The following SYNE3 variants were observed in gnomAD, a reference collection of about 807,000 sequenced individuals.
SYNE3 encodes nesprin-3.
Under a neutral mutation model 111.2 loss-of-function variants are expected in SYNE3, and 100 were observed. The observed-to-expected ratio is 0.90, with a 90% CI of 0.77 to 1.06. SYNE3 has a LOEUF of 1.06. Ranked by LOEUF, SYNE3 falls within the 50% of genes least tolerant of loss-of-function variation. The probability of loss-of-function intolerance (pLI) is 0.00; values close to 1 mark genes in which losing one functional copy is unlikely to be tolerated. For synonymous variants in SYNE3, 547 were observed against 533.9 expected (o/e 1.02, Z -0.34); for missense variants, 1,160 against 1,240.3 (o/e 0.94, Z 0.97).
intron 1 of SYNE3, among the ~76,000 whole-genome samples, chr14:95,505,641 G>GTT (rs149253871): frequency 6.0e-5 from 9 of 149,504 alleles, no homozygotes; most frequent in East Asian, 2.0e-4. Flanking sequence ...TTTAAAAGAA[G>GTT]TTTTTTTTTT....
intron 17 of SYNE3, among the ~76,000 whole-genome samples, chr14:95,424,195 G>A (rs1228547784): frequency 6.6e-6 from 1 of 152,034 alleles, no homozygotes; most frequent in Admixed American, 6.5e-5. Context: ...CCTATGAGAC[G>A]GTGCAGAAAG....
intron 17 of SYNE3, among the ~76,000 whole-genome samples, chr14:95,422,936 C>T (rs911102056): frequency 1.3e-5 from 2 of 152,224 alleles, no homozygotes; most frequent in Non-Finnish European, 1.5e-5. Flanking sequence ...CCTGGTTTCC[C>T]GGACTGGGCC....
rs1886963028 is a variant in SYNE3, at chr14:95,449,961, A to C, written c.1419T>G (p.Pro473=). ...TCTGGGGCAGGAAGGTGTGAAGGGA[A>C]GGCAGGTCCGGCAGGCTGGCAGTGA... The part of the protein sequence containing the change: ...LEVTASLPDL[P]SLHTFLPQIE... Residue 473 remains proline (P), a synonymous_variant, in exon 8 of 18, where the codon CCT becomes CCG. Coordinates refer to ENST00000682763, the MANE Select transcript of SYNE3 (RefSeq NM_152592.6). The C allele has an allele frequency of 6.4e-7, 1 of 1,554,882 alleles. No homozygotes were observed. Among genetic ancestry groups the C allele is most frequent in the African/African-American group, 1.4e-5 (1 of 73,312 alleles).
In SYNE3 at chr14:95,500,875, G is replaced by A. The variant is rs1181311265; in HGVS notation, c.-15+15721C>T. On this transcript the variant is annotated intron_variant, in intron 1 of 17. Transcript: ENST00000682763. The surrounding 1 kb of genome is among the most constrained non-coding windows in gnomAD (Gnocchi z 4.7). ...TTCTTTGTACTCCCAGTGGGGGATC[G>A]GGGGCGGTGAAGCGGGAGGGACACA... Among the ~76,000 whole-genome samples the A allele has an allele frequency of 2.6e-5, 4 of 152,200 alleles. No homozygotes were observed. Among genetic ancestry groups the A allele is most frequent in the Non-Finnish European group, 5.9e-5 (4 of 68,042 alleles).
At chr14:95,421,659 T>C (rs982608340) in intron 17 of SYNE3, among the ~76,000 whole-genome samples, 4 of 152,198 alleles carry the variant, frequency 2.6e-5, no homozygotes, top group African/African-American at 4.8e-5. Context: ...CTCTGGCTGA[T>C]GGGTGTGGGG....
rs2139316570 is a variant in SYNE3 at position 95,410,319 on chromosome 14, A to G, written c.*7507T>C. ...AACTCTGGTTTTCTCCTCCAATTGT[A>G]GCAGAGACAGCGAAGTGCCACTCCA... On this transcript the variant is annotated 3_prime_UTR_variant, in exon 18 of 18. Coordinates refer to ENST00000682763, the MANE Select transcript of SYNE3 (RefSeq NM_152592.6). 6.6e-6 allele frequency: 1 copy of G among 152,384 alleles called. No homozygotes were observed. Among genetic ancestry groups the G allele is most frequent in the Non-Finnish European group, 1.5e-5 (1 of 68,066 alleles). 9.4% of individuals were successfully genotyped at this position (152,384 alleles called of 1,614,324 possible). A position where few individuals can be genotyped will look rare whatever the true frequency, so the allele number is the denominator to read the frequency against.
At chr14:95,474,111 G>C (rs1211546854) in intron 2 of SYNE3, among the ~76,000 whole-genome samples, 1 of 150,854 alleles carries the variant, frequency 6.6e-6, no homozygotes, top group African/African-American at 2.4e-5. Context: ...TGGAACTAAG[G>C]CTGGTATGAG....
intron 1 of SYNE3, among the ~76,000 whole-genome samples, chr14:95,478,275 A>G (rs1889010905): frequency 6.6e-6 from 1 of 152,222 alleles, no homozygotes; most frequent in Non-Finnish European, 1.5e-5. Flanking sequence ...GTAGCATCCA[A>G]TAAGCAGACA....
intron 7 of SYNE3, chr14:95,451,104 T>C (rs1178934593): frequency 6.6e-6 from 1 of 152,092 alleles, no homozygotes; most frequent in African/African-American, 2.4e-5. Context: ...TAAGGGTCTA[T>C]CAAAAATGGG....
At chr14:95,434,525 C>A (rs966955433) in intron 15 of SYNE3, among the ~76,000 whole-genome samples, 7 of 152,136 alleles carry the variant, frequency 4.6e-5, no homozygotes, top group South Asian at 2.1e-4. Flanking sequence ...GACTTGCAGC[C>A]CAGTTCAAAG....
intron 17 of SYNE3, among the ~76,000 whole-genome samples, chr14:95,428,676 G>A (rs1885570606): frequency 6.6e-6 from 1 of 152,226 alleles, no homozygotes; most frequent in Admixed American, 6.5e-5. Context: ...TGCAAGGAAT[G>A]CAATATAGTT....
intron 14 of SYNE3, chr14:95,438,361 T>C (rs1886215696): frequency 6.6e-6 from 1 of 152,304 alleles, no homozygotes; most frequent in Non-Finnish European, 1.5e-5. Context: ...GTTCTGAGAT[T>C]GTAGGTGTAG....
chr14:95,457,151 C>G (rs747508363), intron 5 of SYNE3, 26 bp downstream of exon 5: 7 of 1,608,076 alleles, frequency 4.4e-6, no homozygotes, highest in Non-Finnish European at 5.1e-6. Flanking sequence ...TAGGGTCCCT[C>G]TGGTTGAGAC....
At chr14:95,508,296 G>C (rs576678047) in intron 1 of SYNE3, among the ~76,000 whole-genome samples, 1 of 152,332 alleles carries the variant, frequency 6.6e-6, no homozygotes, top group Admixed American at 6.5e-5. Context: ...GCACTGAACA[G>C]GTATGAGCTG....
chr14:95,429,937 T>G, intron 17 of SYNE3: 1 of 956,438 alleles, frequency 1.0e-6, no homozygotes. Context: ...TCACTGCTCT[T>G]CTGTTCACTG....
Position 95,455,798 on chromosome 14 carries a change from C to T in SYNE3, c.790-74G>A, listed in dbSNP as rs967064046. 1.0e-5 allele frequency: 15 copies of T among 1,445,530 alleles called. No individual in the cohort carries two copies. The African/African-American group carries it at 1.8e-4, about 18-fold the overall frequency. 89.5% of individuals were successfully genotyped at this position (1,445,530 alleles called of 1,614,324 possible). ...CAGTTGCTGCATTTTCCAGAGCAGA[C>T]CTGGGACTGCCCTGCAAAACACTGA... On this transcript the variant is annotated intron_variant, in intron 5 of 17. Transcript: ENST00000682763.
chr14:95,449,961 AG>A lies in SYNE3; in HGVS notation c.1418del (p.Pro473LeufsTer14). The part of the protein sequence containing the change: ...LEVTASLPDL[P>X]SLHTFLPQIE... ...TCTGGGGCAGGAAGGTGTGAAGGGAAGGCAGGTCCGGCAGGCTGGCAGTGAC... is the reference window on the plus strand; with the variant it reads ...TCTGGGGCAGGAAGGTGTGAAGGGAAGCAGGTCCGGCAGGCTGGCAGTGAC... On this transcript the variant is annotated frameshift_variant, in exon 8 of 18. Coordinates refer to ENST00000682763, the MANE Select transcript of SYNE3 (RefSeq NM_152592.6). LOFTEE classifies it high-confidence loss of function. 1 of 1,555,000 alleles carries A rather than the reference AG, an allele frequency of 6.4e-7. No homozygotes were observed. The highest frequency in any genetic ancestry group is 8.7e-7 in the Non-Finnish European group (1 of 1,148,962).
chr14:95,458,585 A>T (rs987112127), intron 4 of SYNE3, among the ~76,000 whole-genome samples: 2 of 152,176 alleles, frequency 1.3e-5, no homozygotes, highest in South Asian at 2.1e-4. Flanking sequence ...TCTCACTCTG[A>T]GGCCATGCCC....
intron 17 of SYNE3, among the ~76,000 whole-genome samples, chr14:95,418,786 G>C (rs1308492893): frequency 6.6e-6 from 1 of 152,056 alleles, no homozygotes; most frequent in East Asian, 1.9e-4. Context: ...TGTATTTTTA[G>C]TAGAGATGGG....
Sources: allele counts gnomAD v4.1 joint callset (sites outside exome capture counted in the v4.1 genomes callset), GRCh38; gene constraint gnomAD v4.1.1; non-coding constraint Gnocchi (gnomAD v3.1); transcripts MANE v1.5; gene names NCBI Gene and HGNC (gene_info 2026-07-23, HGNC 2026-07-21).